LIPK: variants seen among roughly 807,000 people sequenced by gnomAD.
LIPK encodes the protein lipase member K.
Under a neutral mutation model 48.6 loss-of-function variants are expected in LIPK, and 32 were observed. That is an observed-to-expected ratio of 0.66 (90% CI 0.50 to 0.88). LIPK has a LOEUF of 0.88. Among genes scored for constraint, LIPK ranks in the 40% least tolerant of loss-of-function variants. The probability of loss-of-function intolerance (pLI) is 0.00; values close to 1 mark genes in which losing one functional copy is unlikely to be tolerated. For missense variants in LIPK, 507 were observed against 478.5 expected (o/e 1.06, Z -0.56); for synonymous variants, 164 against 157.4 (o/e 1.04, Z -0.32).
At chr10:88,725,541 G>A (rs1164092876) in intron 2 of LIPK, among the ~76,000 whole-genome samples, 1 of 152,098 alleles carries the variant, frequency 6.6e-6, no homozygotes, top group Non-Finnish European at 1.5e-5. Flanking sequence ...GTCTGACTTG[G>A]GAAAATGCAT....
chr10:88,716,356 C>CTTTT lies in LIPK; in HGVS notation c.-11-8161_-11-8158dup, dbSNP rs11374780. ...GAAATCAGAGAATTCAGGAAAATTTCTTTTTTTTTTTTTTTTTTTGAGACA... is the reference window on the plus strand; with the variant it reads ...GAAATCAGAGAATTCAGGAAAATTTCTTTTTTTTTTTTTTTTTTTTTTTGAGACA... On this transcript the variant is annotated intron_variant, in intron 1 of 9. Transcript: ENST00000404190. Among the ~76,000 whole-genome samples, 354 of 120,254 alleles carry CTTTT rather than the reference C, an allele frequency of 2.9e-3. 10 individuals carry two copies. The highest frequency in any genetic ancestry group is 5.3e-3 in the African/African-American group (169 of 31,930). 78.9% of individuals were successfully genotyped at this position (120,254 alleles called of 152,430 possible). A position where few individuals can be genotyped will look rare whatever the true frequency, so the allele number is the denominator to read the frequency against.
chr10:88,746,249 A>G (rs1296815238), intron 9 of LIPK, among the ~76,000 whole-genome samples: 2 of 152,168 alleles, frequency 1.3e-5, no homozygotes, highest in Non-Finnish European at 2.9e-5. Flanking sequence ...GATATTTGGG[A>G]CCTAAACTTG....
chr10:88,739,100 G>T (rs1346188380), intron 7 of LIPK, among the ~76,000 whole-genome samples: 1 of 152,172 alleles, frequency 6.6e-6, no homozygotes, highest in African/African-American at 2.4e-5. Flanking sequence ...GAGTTTTTGT[G>T]TGTGTTTTGT....
In LIPK at chr10:88,719,746, C is replaced by G. The variant is rs140670178; in HGVS notation, c.-11-4787C>G. On this transcript the variant is annotated intron_variant, in intron 1 of 9. Coordinates refer to ENST00000404190, the MANE Select transcript of LIPK (RefSeq NM_001080518.2). ...AGGGTGGGGACTGGTTAAGAATGCT[C>G]TCCAAGCATTGCCATAAGTTGTTAT... Among the ~76,000 whole-genome samples, 103 of 152,262 alleles carry G rather than the reference C, an allele frequency of 6.8e-4. 2 individuals are homozygous for G. In the East Asian group the frequency reaches 0.014, roughly 21 times the overall value.
chr10:88,732,510 C>CCTATG lies in LIPK; in HGVS notation c.629_633dup (p.Lys212LeufsTer2). The CCTATG allele has an allele frequency of 6.2e-7, 1 of 1,612,594 alleles. No individual in the cohort carries two copies. The highest frequency in any genetic ancestry group is 8.5e-7 in the Non-Finnish European group (1 of 1,179,550). On this transcript the variant is annotated frameshift_variant, in exon 6 of 10. Transcript: ENST00000404190. LOFTEE classifies it high-confidence loss of function. ...TGTCACAGTTAAATACACCCAAAGT[C>CCTATG]CTATGAAAAAACTAACAACCCTTTC...
At chr10:88,751,058 G>A (rs1842854918) in intron 9 of LIPK, among the ~76,000 whole-genome samples, 1 of 152,148 alleles carries the variant, frequency 6.6e-6, no homozygotes, top group Non-Finnish European at 1.5e-5. Context: ...GATCATTAAA[G>A]ATATAAGTAA....
intron 4 of LIPK, among the ~76,000 whole-genome samples, chr10:88,731,415 G>A (rs540196108): frequency 6.6e-6 from 1 of 152,238 alleles, no homozygotes; most frequent in African/African-American, 2.4e-5. Flanking sequence ...GTGTGAGTGA[G>A]TGTGTGTGTG....
chr10:88,724,717 C>T, intron 2 of LIPK, 69 bp downstream of exon 2: 4 of 1,074,378 alleles, frequency 3.7e-6, no homozygotes, highest in Non-Finnish European at 5.4e-6. Context: ...TTAGATACAA[C>T]TGGTGTGCCT....
chr10:88,752,699 A>T lies in LIPK; in HGVS notation c.1143A>T (p.Ala381=). The change falls in exon 10 of 10, where the codon GCA becomes GCT. Residue 381 remains alanine (A), a synonymous_variant. Coordinates refer to ENST00000404190, the MANE Select transcript of LIPK (RefSeq NM_001080518.2). ...NHVDFYLGED[A]PQEIYQDLII... is the part of the protein sequence containing the mutation. ...TGGATTTTTACCTTGGAGAGGATGC[A>T]CCTCAGGAAATTTACCAAGACCTAA... 1.9e-6 allele frequency: 3 copies of T among 1,572,928 alleles called. No homozygotes were observed. The highest frequency in any genetic ancestry group is 2.6e-6 in the Non-Finnish European group (3 of 1,156,164).
intron 1 of LIPK, among the ~76,000 whole-genome samples, chr10:88,712,545 C>T (rs1273432450): frequency 1.3e-5 from 2 of 152,142 alleles, no homozygotes; most frequent in African/African-American, 4.8e-5. Flanking sequence ...TAGTACTGCT[C>T]CCTCCCATAT....
intron 4 of LIPK, among the ~76,000 whole-genome samples, 163 bp from the exon 5 acceptor site, chr10:88,732,015 A>G (rs1272097307): frequency 2.6e-5 from 4 of 152,244 alleles, no homozygotes; most frequent in African/African-American, 9.6e-5. Flanking sequence ...CTTGCAATCA[A>G]GGTGACACCC....
chr10:88,750,899 A>G (rs1384313169), intron 9 of LIPK, among the ~76,000 whole-genome samples: 1 of 152,166 alleles, frequency 6.6e-6, no homozygotes, highest in Non-Finnish European at 1.5e-5. Context: ...CTTCTCAAAA[A>G]AACAAAAACA....
At chr10:88,751,943 AG>A (rs1248617500) in intron 9 of LIPK, among the ~76,000 whole-genome samples, 3 of 152,170 alleles carry the variant, frequency 2.0e-5, no homozygotes, top group African/African-American at 7.2e-5. Context: ...CCTGGAACAG[AG>A]GTTGTGTTGT....
chr10:88,729,491 A>T (rs910953095), intron 3 of LIPK, among the ~76,000 whole-genome samples: 3 of 152,196 alleles, frequency 2.0e-5, no homozygotes, highest in African/African-American at 7.2e-5. Context: ...ATTACAAATA[A>T]CTTTGTAAAT....
intron 3 of LIPK, among the ~76,000 whole-genome samples, chr10:88,730,157 AATT>A (rs1842434973): frequency 6.6e-6 from 1 of 152,348 alleles, no homozygotes; most frequent in East Asian, 1.9e-4. Context: ...ATGGCATTTT[AATT>A]ATTGTTTTTA....
chr10:88,737,640 G>T lies in LIPK; in HGVS notation c.675G>T (p.Leu225Phe). ...TTLSRRVVKVLFGDKMFHPHT... is the reference protein window; with the variant it reads ...TTLSRRVVKVFFGDKMFHPHT... Reference sequence around the variant, plus strand: ...TGTTTTAAATTATCTTGTAGGTGTTGTTTGGTGACAAAATGTTCCACCCTC... The same window carrying T: ...TGTTTTAAATTATCTTGTAGGTGTTTTTTGGTGACAAAATGTTCCACCCTC... Residue 225 changes from leucine to phenylalanine, a missense_variant, in exon 7 of 10, where the codon TTG (leucine) becomes TTT (phenylalanine). Physicochemically the swap from Leu to Phe is conservative, Grantham distance 22. Transcript: ENST00000404190. The T allele has an allele frequency of 6.2e-7, 1 of 1,613,408 alleles. No homozygotes were observed. The highest frequency in any genetic ancestry group is 8.5e-7 in the Non-Finnish European group (1 of 1,179,558).
At chr10:88,718,256 C>CTA (rs900287395) in intron 1 of LIPK, among the ~76,000 whole-genome samples, 7 of 149,156 alleles carry the variant, frequency 4.7e-5, no homozygotes, top group African/African-American at 1.7e-4. Flanking sequence ...TGGCTTCCTT[C>CTA]TATATATATA....
intron 1 of LIPK, among the ~76,000 whole-genome samples, chr10:88,708,958 A>C (rs897096105): frequency 2.6e-5 from 4 of 152,122 alleles, no homozygotes; most frequent in African/African-American, 9.7e-5. Context: ...GTTTTTAATG[A>C]TGTGTGATTT....
intron 1 of LIPK, among the ~76,000 whole-genome samples, chr10:88,712,407 T>C (rs1020521633): frequency 2.0e-5 from 3 of 152,228 alleles, no homozygotes; most frequent in Non-Finnish European, 4.4e-5. Context: ...TTCATTTACC[T>C]ACTTACTATT....
Sources: allele counts gnomAD v4.1 joint callset (sites outside exome capture counted in the v4.1 genomes callset), GRCh38; gene constraint gnomAD v4.1.1; transcripts MANE v1.5; gene names NCBI Gene and HGNC (gene_info 2026-07-23, HGNC 2026-07-21).